The following CD2AP variants were observed in gnomAD, a reference collection of about 807,000 sequenced individuals.
CD2AP encodes the protein CD2 associated protein, also known as CD2-associated protein.
Under a neutral mutation model 85.1 loss-of-function variants are expected in CD2AP, and 46 were observed. The ratio of observed to expected loss-of-function variants is 0.54; its 90% CI spans 0.43 to 0.69. The LOEUF is 0.69. Among genes scored for constraint, CD2AP ranks in the 30% least tolerant of loss-of-function variants. The pLI is 0.00. For synonymous variants in CD2AP, 255 were observed against 252.9 expected (o/e 1.01, Z -0.08); for missense variants, 769 against 729.5 (o/e 1.05, Z -0.62).
At chr6:47,492,412 G>A (rs944752509) in intron 1 of CD2AP, among the ~76,000 whole-genome samples, 34 of 126,064 alleles carry the variant, frequency 2.7e-4, no homozygotes, top group African/African-American at 1.0e-3. Flanking sequence ...GAGTGCAAAT[G>A]TGTGATTGTA....
At chr6:47,565,448 C>T (rs182427037) in intron 5 of CD2AP, among the ~76,000 whole-genome samples, 91 of 152,198 alleles carry the variant, frequency 6.0e-4, no homozygotes, top group Admixed American at 5.7e-3. Context: ...TTTTATGAAA[C>T]CAGTGACTGT....
At chr6:47,500,089 C>T (rs937930351) in intron 1 of CD2AP, among the ~76,000 whole-genome samples, 1 of 152,182 alleles carries the variant, frequency 6.6e-6, no homozygotes, top group Non-Finnish European at 1.5e-5. Context: ...TTGGGGACCT[C>T]TACATTTCTC....
intron 5 of CD2AP, 72 bp downstream of exon 5, chr6:47,554,838 T>G: frequency 7.1e-7 from 1 of 1,414,812 alleles, no homozygotes; most frequent in Non-Finnish European, 9.6e-7. Flanking sequence ...TATTTTGTAT[T>G]TTTTGAAACT....
intron 4 of CD2AP, 71 bp from the exon 5 acceptor site, chr6:47,554,575 A>G: frequency 3.2e-6 from 5 of 1,560,726 alleles, no homozygotes; most frequent in Non-Finnish European, 4.4e-6. Context: ...TTTGCAGCTT[A>G]ATTTTCCCAT....
chr6:47,511,329 C>T (rs1246745598), intron 2 of CD2AP, among the ~76,000 whole-genome samples: 1 of 152,092 alleles, frequency 6.6e-6, no homozygotes, highest in Non-Finnish European at 1.5e-5. Context: ...CTGACCAGTA[C>T]TCCTCAAAAA....
At position 47,612,476 on chromosome 6, in the gene CD2AP, A is replaced by C; in HGVS notation, c.1818A>C (p.Lys606Asn). 6.3e-7 allele frequency: 1 copy of C among 1,593,628 alleles called. No homozygotes were observed. Among genetic ancestry groups the C allele is most frequent in the Non-Finnish European group, 8.6e-7 (1 of 1,161,838 alleles). ...IVEALKKDHGKELEKLRKDLE... is the reference protein window; with the variant it reads ...IVEALKKDHGNELEKLRKDLE... ...GTAATAAGTACTTTGTTTTTAGGAA[A>C]GAACTGGAAAAACTGCGAAAAGATT... Residue 606 changes from lysine (K) to asparagine (N), a missense_variant, in exon 17 of 18, where the codon AAA becomes AAC. Coordinates refer to ENST00000359314, the MANE Select transcript of CD2AP (RefSeq NM_012120.3).
At chr6:47,509,271 A>G (rs891163694) in intron 2 of CD2AP, among the ~76,000 whole-genome samples, 1 of 152,200 alleles carries the variant, frequency 6.6e-6, no homozygotes, top group African/African-American at 2.4e-5. Flanking sequence ...AAATGGTAAC[A>G]TTAAAGATCA....
At chr6:47,540,618 A>G (rs988744955) in intron 3 of CD2AP, among the ~76,000 whole-genome samples, 5 of 151,970 alleles carry the variant, frequency 3.3e-5, no homozygotes, top group African/African-American at 1.2e-4. Context: ...GGGAAAAATT[A>G]TGTTTAGTGT....
chr6:47,609,039 AT>A, intron 15 of CD2AP, 83 bp from the exon 16 acceptor site: 1 of 1,090,020 alleles, frequency 9.2e-7, no homozygotes, highest in Non-Finnish European at 1.3e-6. Flanking sequence ...GAAGTACTTA[AT>A]TGTTTTTCTT....
chr6:47,503,304 A>G lies in CD2AP; in HGVS notation c.29A>G (p.Tyr10Cys), dbSNP rs777711947. ...GTTGACTATATTGTGGAGTATGACTATGATGCTGTACATGATGATGAATTA... is the reference window on the plus strand; with the variant it reads ...GTTGACTATATTGTGGAGTATGACTGTGATGCTGTACATGATGATGAATTA... MVDYIVEYD[Y>C]DAVHDDELTI... The change falls in exon 2 of 18, where the codon TAT (tyrosine) becomes TGT (cysteine). Residue 10 changes from tyrosine to cysteine, a missense_variant. By Grantham distance (194) the Tyr-to-Cys change is radical. Transcript: ENST00000359314. 5.6e-6 allele frequency: 9 copies of G among 1,613,678 alleles called. No individual in the cohort carries two copies. Among genetic ancestry groups the G allele is most frequent in the Admixed American group, 5.0e-5 (3 of 59,990 alleles).
At chr6:47,609,527 A>G (rs796382195) in intron 16 of CD2AP, 23 of 366,678 alleles carry the variant, frequency 6.3e-5, no homozygotes, top group African/African-American at 2.0e-4. Context: ...AAAAAAAAAA[A>G]AAAAGAAAAG....
intron 1 of CD2AP, among the ~76,000 whole-genome samples, 192 bp downstream of exon 1, chr6:47,478,440 A>G (rs988355427): frequency 6.6e-6 from 1 of 150,904 alleles, no homozygotes; most frequent in African/African-American, 2.4e-5. Context: ...AACTGGTGGG[A>G]GAGCTCGCGG....
chr6:47,509,779 C>T (rs1341667345), intron 2 of CD2AP, among the ~76,000 whole-genome samples: 1 of 152,132 alleles, frequency 6.6e-6, no homozygotes, highest in Non-Finnish European at 1.5e-5. Context: ...CTGTTTTCTC[C>T]ACTTTAAAGT....
chr6:47,621,846 A>T lies in CD2AP; in HGVS notation c.1879-2340A>T, dbSNP rs182533227. 6.6e-5 allele frequency among the ~76,000 whole-genome samples: 10 copies of T among 152,124 alleles called. No individual in the cohort carries two copies. The East Asian group carries it at 1.5e-3, about 24-fold the overall frequency. On this transcript the variant is annotated intron_variant, in intron 17 of 17. Coordinates refer to ENST00000359314, the MANE Select transcript of CD2AP (RefSeq NM_012120.3). ...TTATGTGCATAATGATGTTCATAGT[A>T]CCCTTGAATGATCTTTTGTGTCATT...
chr6:47,520,730 GTT>G (rs35163088), intron 2 of CD2AP, among the ~76,000 whole-genome samples: 1,379 of 86,430 alleles, frequency 0.016, 8 homozygotes, highest in African/African-American at 0.038. Context: ...TGGTGCTACA[GTT>G]TTTTTTTTTT....
chr6:47,613,029 C>T (rs537653268), intron 17 of CD2AP, among the ~76,000 whole-genome samples: 213 of 152,304 alleles, frequency 1.4e-3, no homozygotes, highest in Non-Finnish European at 2.7e-3. Context: ...CACAAAGCTA[C>T]TTTCTTTGCT....
At chr6:47,538,049 C>G (rs1767100726) in intron 3 of CD2AP, among the ~76,000 whole-genome samples, 1 of 151,464 alleles carries the variant, frequency 6.6e-6, no homozygotes, top group African/African-American at 2.4e-5. Context: ...CTGCTCCGGG[C>G]AAGAAAATTT....
At chr6:47,559,745 G>A (rs1420313193) in intron 5 of CD2AP, among the ~76,000 whole-genome samples, 2 of 151,944 alleles carry the variant, frequency 1.3e-5, no homozygotes, top group East Asian at 3.9e-4. Context: ...CCATAATTAT[G>A]GTTTGTTTGT....
chr6:47,555,695 A>T (rs1165265258), intron 5 of CD2AP, among the ~76,000 whole-genome samples: 1 of 152,186 alleles, frequency 6.6e-6, no homozygotes, highest in Non-Finnish European at 1.5e-5. Context: ...GTTTTAATCT[A>T]TCTTTACATA....
Sources: allele counts gnomAD v4.1 joint callset (sites outside exome capture counted in the v4.1 genomes callset), GRCh38; gene constraint gnomAD v4.1.1; transcripts MANE v1.5; gene names NCBI Gene and HGNC (gene_info 2026-07-23, HGNC 2026-07-21).